TMEM108: variants seen among roughly 807,000 people sequenced by gnomAD.
TMEM108 encodes cancer/testis antigen 124.
In TMEM108, 12 loss-of-function variants were observed where a neutral mutation model predicts 35.1. The ratio of observed to expected loss-of-function variants is 0.34; its 90% confidence interval spans 0.22 to 0.55. TMEM108 has a LOEUF of 0.55. Among genes scored for constraint, TMEM108 ranks in the 20% least tolerant of loss-of-function variants. The probability of loss-of-function intolerance (pLI) is 0.89; values close to 1 mark genes in which losing one functional copy is unlikely to be tolerated. For synonymous variants in TMEM108, 287 were observed against 308.6 expected, an observed-to-expected ratio of 0.93 and a Z score of 0.73; for missense variants, 680 against 753.3, an observed-to-expected ratio of 0.90 and a Z score of 1.14.
chr3:133,381,397 C>T (rs111876853), intron 4 of TMEM108, among the ~76,000 whole-genome samples: 6,722 of 152,278 alleles, frequency 0.044, 182 homozygotes, highest in Non-Finnish European at 0.062. Context: ...GGGGGAGGAC[C>T]TTACAGGCAG....
chr3:133,191,463 C>A (rs1029604573), intron 2 of TMEM108, among the ~76,000 whole-genome samples: 2 of 152,132 alleles, frequency 1.3e-5, no homozygotes, highest in African/African-American at 4.8e-5. Context: ...AAATCAACCA[C>A]AAAATAACAG....
At chr3:133,318,969 C>G (rs1464279631) in intron 3 of TMEM108, among the ~76,000 whole-genome samples, 2 of 149,754 alleles carry the variant, frequency 1.3e-5, no homozygotes, top group African/African-American at 4.9e-5. Flanking sequence ...AGGTCTGAGT[C>G]CTGTGGACAG....
At chr3:133,382,947 TAA>T (rs113509723) in intron 4 of TMEM108, among the ~76,000 whole-genome samples, 3,952 of 152,304 alleles carry the variant, frequency 0.026, 153 homozygotes, top group African/African-American at 0.09. Flanking sequence ...TCAAGAAAAG[TAA>T]AAGTGTTTGC....
Position 133,097,933 on chromosome 3 carries a change from C to T in TMEM108, c.-47+51913C>T, listed in dbSNP as rs376093306. 1.1e-4 allele frequency among the ~76,000 whole-genome samples: 17 copies of T among 152,242 alleles called. No individual in the cohort carries two copies. The East Asian group carries it at 1.5e-3, about 14-fold the overall frequency. On this transcript the variant is annotated intron_variant, in intron 2 of 5. Transcript: ENST00000321871. Reference sequence around the variant, plus strand: ...CTTCTAAGTTTCAGTTTGGTTCAGTCTGAGAAAGGCCTAGTAAATCAAGGA... The same window carrying T: ...CTTCTAAGTTTCAGTTTGGTTCAGTTTGAGAAAGGCCTAGTAAATCAAGGA...
intron 3 of TMEM108, among the ~76,000 whole-genome samples, chr3:133,339,132 T>G (rs1334231062): frequency 1.3e-5 from 2 of 151,252 alleles, no homozygotes; most frequent in Non-Finnish European, 3.0e-5. Context: ...TGAATGTAAA[T>G]GGACTAAACT....
intron 3 of TMEM108, among the ~76,000 whole-genome samples, chr3:133,325,722 A>T (rs2071322694): frequency 1.3e-5 from 2 of 149,650 alleles, no homozygotes; most frequent in South Asian, 4.2e-4. Context: ...AAAATAATAT[A>T]TATAAAAAAT....
chr3:133,057,477 A>ATC (rs1559818481), intron 2 of TMEM108, among the ~76,000 whole-genome samples: 24 of 79,126 alleles, frequency 3.0e-4, no homozygotes, highest in African/African-American at 1.1e-3. Context: ...ATATATATAT[A>ATC]TATATATATG....
chr3:133,310,927 A>G (rs961679485), intron 3 of TMEM108, among the ~76,000 whole-genome samples: 6 of 152,136 alleles, frequency 3.9e-5, no homozygotes, highest in Non-Finnish European at 7.3e-5. Context: ...GGTTGTGACA[A>G]AATCTCTCAA....
At chr3:133,344,042 C>G (rs2071742847) in intron 3 of TMEM108, among the ~76,000 whole-genome samples, 2 of 151,956 alleles carry the variant, frequency 1.3e-5, no homozygotes, top group South Asian at 4.2e-4. Flanking sequence ...TTCCATGAAA[C>G]CAGTCCCTGG....
intron 2 of TMEM108, among the ~76,000 whole-genome samples, chr3:133,189,949 C>A (rs12490128): frequency 0.13 from 19,691 of 152,030 alleles, 1,468 homozygotes; most frequent in South Asian, 0.22. Flanking sequence ...AATTTCTATC[C>A]ATGGACATTT....
chr3:133,050,116 A>G (rs1432775842), intron 2 of TMEM108, among the ~76,000 whole-genome samples: 5 of 152,172 alleles, frequency 3.3e-5, no homozygotes, highest in African/African-American at 1.2e-4. Context: ...TTTTTCAAAG[A>G]TATAAAGTTT....
chr3:133,346,903 T>C lies in TMEM108; in HGVS notation c.41-32849T>C, dbSNP rs1468417707. On this transcript the variant is annotated intron_variant, in intron 3 of 5. Transcript: ENST00000321871. This position sits in a 1 kb window ranked among gnomAD's most constrained non-coding sequence, Gnocchi z 4.0. ...CACCGTTTATTGAACAAACAGTCCT[T>C]TCTCCATTGAATTGCCTTAGCTCCT... Among the ~76,000 whole-genome samples the C allele has an allele frequency of 6.6e-6, 1 of 152,140 alleles. No homozygotes were observed. Among genetic ancestry groups the C allele is most frequent in the Non-Finnish European group, 1.5e-5 (1 of 67,976 alleles).
At chr3:133,367,091 C>G (rs1404190850) in intron 3 of TMEM108, among the ~76,000 whole-genome samples, 1 of 152,234 alleles carries the variant, frequency 6.6e-6, no homozygotes, top group Non-Finnish European at 1.5e-5. Context: ...GTCCCCTGTA[C>G]AGCCTGCATT....
chr3:133,349,589 A>AG lies in TMEM108; in HGVS notation c.41-30162dup, dbSNP rs778485050. 7.7e-4 allele frequency among the ~76,000 whole-genome samples: 101 copies of AG among 131,078 alleles called. 1 individual carries two copies. Among genetic ancestry groups the AG allele is most frequent in the Non-Finnish European group, 1.6e-3 (90 of 57,660 alleles). 86.0% of individuals were successfully genotyped at this position (131,078 alleles called of 152,430 possible). A position where few individuals can be genotyped will look rare whatever the true frequency, so the allele number is the denominator to read the frequency against. ...ATCCAGACTATATAAGGAACTTAAT[A>AG]GCAAAAAAAAAACTAACCTGATTTT... On this transcript the variant is annotated intron_variant, in intron 3 of 5. Coordinates refer to ENST00000321871, the MANE Select transcript of TMEM108 (RefSeq NM_023943.4).
intron 2 of TMEM108, among the ~76,000 whole-genome samples, chr3:133,165,969 C>G (rs1252076702): frequency 1.3e-5 from 2 of 152,168 alleles, no homozygotes; most frequent in African/African-American, 2.4e-5. Context: ...TGTGAACCAG[C>G]CAGAATCAGT....
chr3:133,253,107 G>C (rs1239831758), intron 3 of TMEM108, among the ~76,000 whole-genome samples: 1 of 152,168 alleles, frequency 6.6e-6, no homozygotes, highest in Admixed American at 6.5e-5. Context: ...AGCATCTGTG[G>C]ATTTTGTTTT....
chr3:133,378,796 C>CA (rs2072916820), intron 3 of TMEM108, among the ~76,000 whole-genome samples: 1 of 141,032 alleles, frequency 7.1e-6, no homozygotes, highest in Non-Finnish European at 1.5e-5. Context: ...GGCTATCATA[C>CA]AAAATCCTTT....
At chr3:133,172,481 T>G (rs1945144522) in intron 2 of TMEM108, among the ~76,000 whole-genome samples, 1 of 152,148 alleles carries the variant, frequency 6.6e-6, no homozygotes, top group East Asian at 1.9e-4. Context: ...TGAAATAGAT[T>G]TTTTAAATTA....
At chr3:133,373,981 G>A (rs903108312) in intron 3 of TMEM108, among the ~76,000 whole-genome samples, 7 of 152,196 alleles carry the variant, frequency 4.6e-5, no homozygotes, top group South Asian at 2.1e-4. Flanking sequence ...GCCTGGCTGG[G>A]GCTGGGACAG....
Sources: gnomAD v4.1 joint callset for allele counts (sites outside exome capture counted in the v4.1 genomes callset) on GRCh38, gnomAD v4.1.1 for gene constraint, Gnocchi (gnomAD v3.1) non-coding constraint, MANE v1.5 for transcripts, NCBI Gene and HGNC (gene_info 2026-07-23, HGNC 2026-07-21) for gene names.